Variants in EXOC3L2 observed in about 807,000 individuals in gnomAD.
EXOC3L2 encodes the protein exocyst complex component 3-like protein 2.
A neutral mutation model predicts 44.4 loss-of-function variants in EXOC3L2; 17 were observed. That is an observed-to-expected ratio of 0.38 (90% CI 0.26 to 0.57). The LOEUF is 0.57. EXOC3L2 is among the 20% of genes least tolerant of loss of function. The pLI is 0.65. For synonymous variants in EXOC3L2, 256 were observed against 253.7 expected (o/e 1.01, Z -0.09); for missense variants, 541 against 588.4 (o/e 0.92, Z 0.83).
intron 1 of EXOC3L2, among the ~76,000 whole-genome samples, chr19:45,241,064 G>A (rs1355394498): frequency 6.6e-6 from 1 of 151,990 alleles, no homozygotes; most frequent in Admixed American, 6.6e-5. Context: ...TTCAGTCTGC[G>A]CTCCCTCCTT....
At chr19:45,215,031 C>CTA (rs1314337825) in intron 11 of EXOC3L2, among the ~76,000 whole-genome samples, 5 of 151,724 alleles carry the variant, frequency 3.3e-5, no homozygotes, top group Admixed American at 3.3e-4. Flanking sequence ...TGGCACATGC[C>CTA]TATACTTGGG....
chr19:45,230,510 GC>G (rs1166794071), intron 4 of EXOC3L2, among the ~76,000 whole-genome samples: 1 of 152,084 alleles, frequency 6.6e-6, no homozygotes, highest in Admixed American at 6.6e-5. Context: ...GAGCCACTGT[GC>G]CCGGCCACAA....
At chr19:45,235,745 C>A (rs1970078146) in intron 2 of EXOC3L2, among the ~76,000 whole-genome samples, 1 of 152,220 alleles carries the variant, frequency 6.6e-6, no homozygotes, top group African/African-American at 2.4e-5. Flanking sequence ...GAAGGCGGGG[C>A]TCTAGTCACC....
At chr19:45,237,189 A>G (rs1190802494) in intron 2 of EXOC3L2, among the ~76,000 whole-genome samples, 1 of 152,004 alleles carries the variant, frequency 6.6e-6, no homozygotes, top group Non-Finnish European at 1.5e-5. Context: ...GGTGTTGGAC[A>G]TAGACAATGA....
intron 4 of EXOC3L2, among the ~76,000 whole-genome samples, chr19:45,229,287 G>A (rs1396159269): frequency 8.4e-6 from 1 of 118,412 alleles, no homozygotes; most frequent in African/African-American, 3.5e-5. Context: ...ATATATTTAT[G>A]TATTAAATAT....
chr19:45,212,598 C>CTT lies in EXOC3L2; in HGVS notation c.*469_*470dup, dbSNP rs530736333. On this transcript the variant is annotated 3_prime_UTR_variant, in exon 12 of 12. Coordinates refer to ENST00000413988, the MANE Select transcript of EXOC3L2 (RefSeq NM_001382422.1). ...CTCTTTGGCCTCTGTTTCCCCCTACCTTTTTTTTTTTTTTTTTTTTTTGAG... is the reference window on the plus strand; with the variant it reads ...CTCTTTGGCCTCTGTTTCCCCCTACCTTTTTTTTTTTTTTTTTTTTTTTTGAG... 0.1 allele frequency: 11,064 copies of CTT among 111,026 alleles called. 841 individuals are homozygous for CTT. The highest frequency in any genetic ancestry group is 0.21 in the African/African-American group (5,253 of 25,090). 6.9% of individuals were successfully genotyped at this position (111,026 alleles called of 1,614,324 possible).
At position 45,234,688 on chromosome 19, in the gene EXOC3L2, C is replaced by T. The variant is rs1404056551; in HGVS notation, c.662G>A (p.Gly221Asp). 13 of 384,040 alleles carry T rather than the reference C, an allele frequency of 3.4e-5. No individual in the cohort carries two copies. The highest frequency in any genetic ancestry group is 6.0e-5 in the Non-Finnish European group (13 of 216,810). 23.8% of individuals were successfully genotyped at this position (384,040 alleles called of 1,614,324 possible). The change falls in exon 3 of 12, where the codon GGC (glycine) becomes GAC (aspartate). Residue 221 changes from glycine (G) to aspartate (D), a missense_variant. By Grantham distance (94) the Gly-to-Asp change is moderately conservative. Transcript: ENST00000413988. This position sits in a 1 kb window ranked among gnomAD's most constrained non-coding sequence, Gnocchi z 5.0. ...GPPKAEGAGGGRRARDVALLY... is the reference protein window; with the variant it reads ...GPPKAEGAGGDRRARDVALLY... ...CAGCGCCACGTCCCGCGCCCGGCGG[C>T]CCCCGCCAGCGCCCTCGGCCTTGGG...
chr19:45,236,830 CT>C (rs2122989563), intron 2 of EXOC3L2, among the ~76,000 whole-genome samples: 1 of 151,734 alleles, frequency 6.6e-6, no homozygotes, highest in Non-Finnish European at 1.5e-5. Context: ...AACCCCATCT[CT>C]ACAAAAAATA....
chr19:45,227,927 A>G (rs989858645), intron 6 of EXOC3L2, 47 bp downstream of exon 6: 4 of 1,590,200 alleles, frequency 2.5e-6, no homozygotes, highest in Non-Finnish European at 3.4e-6. Context: ...CCAGGCCCTG[A>G]TGCCCAACCC....
At chr19:45,224,200 T>C (rs1969929658) in intron 8 of EXOC3L2, among the ~76,000 whole-genome samples, 1 of 150,652 alleles carries the variant, frequency 6.6e-6, no homozygotes, top group Non-Finnish European at 1.5e-5. Flanking sequence ...GGGCAGGAGA[T>C]GAGGTCTGAG....
At position 45,228,196 on chromosome 19, in the gene EXOC3L2, T is replaced by C. The variant is rs779742720; in HGVS notation, c.1340A>G (p.Gln447Arg). 1.4e-5 allele frequency: 23 copies of C among 1,614,004 alleles called. No homozygotes were observed. Among genetic ancestry groups the C allele is most frequent in the African/African-American group, 2.7e-5 (2 of 74,910 alleles). ...DEEHWGSLEDQPSSLAQDVCE... is the reference protein window; with the variant it reads ...DEEHWGSLEDRPSSLAQDVCE... ...CACATCCTGGGCCAGGCTGCTGGGC[T>C]GGTCCTCCAGGCTCCCCCAGTGCTC... The change falls in exon 5 of 12, where the codon CAG becomes CGG. Residue 447 changes from glutamine (Q) to arginine (R), a missense_variant. By Grantham distance (43) the Gln-to-Arg change is conservative (BLOSUM62 1). Transcript: ENST00000413988.
chr19:45,237,007 AG>A (rs1480810257), intron 2 of EXOC3L2, among the ~76,000 whole-genome samples: 2 of 148,598 alleles, frequency 1.3e-5, no homozygotes, highest in South Asian at 2.1e-4. Flanking sequence ...CCTGTCTCAA[AG>A]GAAAAAAAAA....
intron 9 of EXOC3L2, 39 bp downstream of exon 9, chr19:45,218,158 T>TGGGCCCC: frequency 9.7e-7 from 1 of 1,034,906 alleles, no homozygotes; most frequent in Admixed American, 3.1e-5. Context: ...TCCCCTCTTT[T>TGGGCCCC]CCCCCACCCC....
At chr19:45,231,110 AT>A (rs1970026670) in intron 4 of EXOC3L2, among the ~76,000 whole-genome samples, 1 of 152,052 alleles carries the variant, frequency 6.6e-6, no homozygotes. Context: ...AAAAAGTATA[AT>A]CCTCAATTTG....
chr19:45,242,827 A>G (rs1970140781), intron 1 of EXOC3L2, among the ~76,000 whole-genome samples: 1 of 143,120 alleles, frequency 7.0e-6, no homozygotes, highest in Non-Finnish European at 1.5e-5. Flanking sequence ...GTGCCACTGC[A>G]CTCCAGCCTA....
At chr19:45,213,761 AT>A (rs1298981013) in intron 11 of EXOC3L2, among the ~76,000 whole-genome samples, 1 of 151,784 alleles carries the variant, frequency 6.6e-6, no homozygotes, top group East Asian at 1.9e-4. Flanking sequence ...CCTGGCCAAC[AT>A]GGCGAAACCC....
At chr19:45,230,271 T>G (rs1487870495) in intron 4 of EXOC3L2, among the ~76,000 whole-genome samples, 1 of 152,132 alleles carries the variant, frequency 6.6e-6, no homozygotes, top group Non-Finnish European at 1.5e-5. Context: ...CAGGCTGGAG[T>G]GCAGTGGTGC....
At chr19:45,233,509 T>C (rs1324482947) in intron 3 of EXOC3L2, among the ~76,000 whole-genome samples, 1 of 152,196 alleles carries the variant, frequency 6.6e-6, no homozygotes, top group Non-Finnish European at 1.5e-5. Flanking sequence ...TCAACAGTGC[T>C]AAAACTCTAA....
intron 8 of EXOC3L2, among the ~76,000 whole-genome samples, chr19:45,222,581 G>A (rs1969909673): frequency 6.6e-6 from 1 of 151,822 alleles, no homozygotes; most frequent in African/African-American, 2.4e-5. Context: ...CACCTATCTT[G>A]TTTTCTCAGT....
Sources: gnomAD v4.1 joint callset for allele counts (sites outside exome capture counted in the v4.1 genomes callset) on GRCh38, gnomAD v4.1.1 for gene constraint, Gnocchi (gnomAD v3.1) non-coding constraint, MANE v1.5 for transcripts, NCBI Gene and HGNC (gene_info 2026-07-23, HGNC 2026-07-21) for gene names.